Variants in FARS2 observed in about 807,000 individuals in gnomAD.
FARS2 encodes phenylalanine--tRNA ligase, mitochondrial.
FARS2 carries 40 observed loss-of-function variants against 46.4 expected under a neutral mutation model. The observed-to-expected ratio is 0.86, with a 90% confidence interval of 0.67 to 1.12. FARS2 has a LOEUF of 1.12. FARS2 is among the 50% of genes most tolerant of loss of function. FARS2 has a pLI of 0.00. For missense variants in FARS2, 513 were observed against 567.9 expected, an observed-to-expected ratio of 0.90 and a Z score of 0.98; for synonymous variants, 234 against 214.9, an observed-to-expected ratio of 1.09 and a Z score of -0.78.
chr6:5,546,397 C>CATG (rs1374904767), intron 5 of FARS2, among the ~76,000 whole-genome samples: 3 of 151,070 alleles, frequency 2.0e-5, no homozygotes. Context: ...ATTACAGGCG[C>CATG]CCACCACTAC....
the FARS2 span, among the ~76,000 whole-genome samples, chr6:5,250,398 A>T: frequency 6.6e-6 from 1 of 152,206 alleles, no homozygotes; most frequent in African/African-American, 2.4e-5. Context: ...TCACCCCAAA[A>T]CCTTGGCTGC....
chr6:5,342,420 A>G (rs1018273470), intron 1 of FARS2, among the ~76,000 whole-genome samples: 3 of 152,226 alleles, frequency 2.0e-5, no homozygotes, highest in Admixed American at 1.3e-4. Flanking sequence ...CAGCCAGACA[A>G]CTGAGACAAT....
At chr6:5,724,008 A>G (rs913901997) in intron 6 of FARS2, among the ~76,000 whole-genome samples, 2 of 152,184 alleles carry the variant, frequency 1.3e-5, no homozygotes, top group Non-Finnish European at 2.9e-5. Flanking sequence ...GCTGTCAGAG[A>G]AAGAGTGGGC....
intron 1 of FARS2, among the ~76,000 whole-genome samples, chr6:5,282,359 G>A (rs1766792762): frequency 6.6e-6 from 1 of 152,158 alleles, no homozygotes; most frequent in South Asian, 2.1e-4. Flanking sequence ...GAAACACATG[G>A]TCCATGGCGC....
chr6:5,421,657 A>G (rs1044323801), intron 3 of FARS2, among the ~76,000 whole-genome samples: 25 of 152,204 alleles, frequency 1.6e-4, no homozygotes, highest in Admixed American at 1.6e-3. Flanking sequence ...ATGTCTCTCA[A>G]GTTCAAAGTT....
At chr6:5,423,642 G>A (rs1199649536) in intron 3 of FARS2, among the ~76,000 whole-genome samples, 5 of 152,114 alleles carry the variant, frequency 3.3e-5, no homozygotes, top group African/African-American at 9.7e-5. Context: ...CTGTATGCTT[G>A]GGAGGTCCCA....
chr6:5,286,189 T>C (rs1353213759), intron 1 of FARS2, among the ~76,000 whole-genome samples: 6 of 152,198 alleles, frequency 3.9e-5, no homozygotes, highest in Non-Finnish European at 8.8e-5. Flanking sequence ...TGACCCCTTG[T>C]TCCTAGATAG....
intron 4 of FARS2, among the ~76,000 whole-genome samples, chr6:5,532,186 C>T (rs1345944460): frequency 5.3e-5 from 8 of 152,208 alleles, no homozygotes; most frequent in African/African-American, 1.7e-4. Context: ...AGAAAGCACA[C>T]AGATGTCAGT....
chr6:5,689,622 T>A (rs1757532921), intron 6 of FARS2, among the ~76,000 whole-genome samples: 1 of 152,162 alleles, frequency 6.6e-6, no homozygotes, highest in African/African-American at 2.4e-5. Context: ...CTTCCAAGTA[T>A]GTGGTCAATT....
chr6:5,442,790 C>G (rs532305284), intron 4 of FARS2, among the ~76,000 whole-genome samples: 1 of 152,266 alleles, frequency 6.6e-6, no homozygotes, highest in African/African-American at 2.4e-5. Context: ...CAGTGATGCC[C>G]TTTTCACTGA....
At chr6:5,440,544 T>C (rs1177996908) in intron 4 of FARS2, among the ~76,000 whole-genome samples, 6 of 152,258 alleles carry the variant, frequency 3.9e-5, no homozygotes, top group Non-Finnish European at 8.8e-5. Context: ...AGGTTTATGA[T>C]GCATATTCAT....
At chr6:5,252,142 T>C in the FARS2 span, among the ~76,000 whole-genome samples, 2 of 152,224 alleles carry the variant, frequency 1.3e-5, no homozygotes, top group Admixed American at 1.3e-4. Flanking sequence ...TGTTTAACCA[T>C]TTCACCTATA....
chr6:5,502,760 A>G (rs1767874623), intron 4 of FARS2, among the ~76,000 whole-genome samples: 1 of 152,258 alleles, frequency 6.6e-6, no homozygotes, highest in African/African-American at 2.4e-5. Context: ...TCTCGCACAC[A>G]TGTAAAAATG....
chr6:5,536,688 G>A (rs550631731), intron 4 of FARS2, among the ~76,000 whole-genome samples: 30 of 152,296 alleles, frequency 2.0e-4, no homozygotes, highest in African/African-American at 6.5e-4. Flanking sequence ...TGTAAATTAT[G>A]TTCTCAAGTA....
rs73718083 is a variant in FARS2 at position 5,369,038 on chromosome 6, G to A, written c.468G>A (p.Thr156=). The change falls in exon 2 of 7, where the codon ACG becomes ACA. Residue 156 remains threonine (T), a synonymous_variant. Transcript: ENST00000274680. ...GGACTCACATGCTGAGAGCGCACAC[G>A]TCTGCACACCAGTGGGACTTGCTGC... ...LNRTHMLRAH[T]SAHQWDLLHA... is the part of the protein sequence containing the mutation. 7.9e-4 allele frequency: 1,277 copies of A among 1,614,118 alleles called. 8 individuals carry two copies. In the African/African-American group the frequency reaches 0.013, roughly 16 times the overall value.
intron 6 of FARS2, among the ~76,000 whole-genome samples, chr6:5,657,934 TG>T (rs1404610547): frequency 6.6e-6 from 1 of 152,204 alleles, no homozygotes; most frequent in Non-Finnish European, 1.5e-5. Flanking sequence ...TTCTGTGACA[TG>T]GGGAATAGTC....
the FARS2 span, among the ~76,000 whole-genome samples, chr6:5,251,278 T>C: frequency 1.3e-5 from 2 of 152,250 alleles, no homozygotes; most frequent in African/African-American, 4.8e-5. Context: ...TCACTGTAGC[T>C]GCCCTGTTTT....
intron 5 of FARS2, among the ~76,000 whole-genome samples, chr6:5,571,291 A>C (rs764023268): frequency 2.6e-5 from 4 of 152,238 alleles, no homozygotes; most frequent in Non-Finnish European, 4.4e-5. Flanking sequence ...ATTTTGGTCT[A>C]GCTTAATTCA....
intron 6 of FARS2, among the ~76,000 whole-genome samples, chr6:5,628,517 C>T (rs1330162837): frequency 4.6e-5 from 7 of 152,332 alleles, no homozygotes; most frequent in African/African-American, 7.2e-5. Context: ...GCTTTGGCCC[C>T]GTGGACAGAT....
Sources: gnomAD v4.1 joint callset for allele counts (sites outside exome capture counted in the v4.1 genomes callset) on GRCh38, gnomAD v4.1.1 for gene constraint, MANE v1.5 for transcripts, NCBI Gene and HGNC (gene_info 2026-07-23, HGNC 2026-07-21) for gene names.